TM9SF4: variants seen among roughly 807,000 people sequenced by gnomAD.
TM9SF4 encodes dinucleotide oxidase disulfide thiol exchanger 3 superfamily member 4.
In TM9SF4, 26 loss-of-function variants were observed where a neutral mutation model predicts 90.4. The ratio of observed to expected loss-of-function variants is 0.29; its 90% CI spans 0.21 to 0.40. The LOEUF is 0.40. Among genes scored for constraint, TM9SF4 ranks in the 10% least tolerant of loss-of-function variants. TM9SF4 has a pLI of 1.00. For synonymous variants in TM9SF4, 293 were observed against 315.4 expected (o/e 0.93, Z 0.75); for missense variants, 549 against 834.8 (o/e 0.66, Z 4.22).
intron 1 of TM9SF4, among the ~76,000 whole-genome samples, chr20:32,131,071 T>C (rs2046503732): frequency 1.3e-5 from 2 of 152,180 alleles, no homozygotes; most frequent in African/African-American, 4.8e-5. Flanking sequence ...CTATCCAAAT[T>C]GCCCCATGAG....
At chr20:32,151,052 G>C (rs1351874800) in intron 12 of TM9SF4, among the ~76,000 whole-genome samples, 177 bp downstream of exon 12, 1 of 152,102 alleles carries the variant, frequency 6.6e-6, no homozygotes, top group Non-Finnish European at 1.5e-5. Flanking sequence ...TTACCCACAG[G>C]CTCGCAGCAG....
intron 1 of TM9SF4, among the ~76,000 whole-genome samples, chr20:32,125,892 A>G (rs1401366357): frequency 6.8e-6 from 1 of 148,012 alleles, no homozygotes; most frequent in African/African-American, 2.5e-5. Flanking sequence ...CTGGTCTCAA[A>G]CTCCTGGGCT....
At chr20:32,123,443 A>G (rs541220623) in intron 1 of TM9SF4, among the ~76,000 whole-genome samples, 1 of 151,366 alleles carries the variant, frequency 6.6e-6, no homozygotes, top group East Asian at 2.0e-4. Context: ...TTAAATTATG[A>G]ATGATGCTGA....
chr20:32,127,417 A>G (rs1044669716), intron 1 of TM9SF4, among the ~76,000 whole-genome samples: 1 of 152,134 alleles, frequency 6.6e-6, no homozygotes, highest in African/African-American at 2.4e-5. Flanking sequence ...GATTAACACC[A>G]TCTGCGAAAT....
intron 17 of TM9SF4, among the ~76,000 whole-genome samples, chr20:32,162,794 T>A (rs766409656): frequency 7.2e-5 from 11 of 152,018 alleles, no homozygotes; most frequent in Non-Finnish European, 1.5e-4. Flanking sequence ...ATCTCCCTCC[T>A]CTATAGCCCA....
chr20:32,152,084 A>G (rs1264611361), intron 12 of TM9SF4, among the ~76,000 whole-genome samples: 2 of 150,198 alleles, frequency 1.3e-5, no homozygotes, highest in African/African-American at 4.9e-5. Flanking sequence ...GTTAGCCAGG[A>G]TGGTCTCGAT....
At chr20:32,143,851 G>C (rs2046718668) in intron 6 of TM9SF4, among the ~76,000 whole-genome samples, 1 of 152,076 alleles carries the variant, frequency 6.6e-6, no homozygotes, top group Non-Finnish European at 1.5e-5. Context: ...CCCGAGCGCA[G>C]TTCTACGTTT....
intron 6 of TM9SF4, among the ~76,000 whole-genome samples, chr20:32,143,949 T>C (rs1008322754): frequency 8.0e-5 from 9 of 112,826 alleles, no homozygotes; most frequent in African/African-American, 2.9e-4. Flanking sequence ...CCATTTTATC[T>C]TTTTTTTTCC....
chr20:32,124,655 T>G (rs1202848377), intron 1 of TM9SF4, among the ~76,000 whole-genome samples: 4 of 152,058 alleles, frequency 2.6e-5, no homozygotes, highest in Non-Finnish European at 2.9e-5. Context: ...GGCACAATCT[T>G]GGCTCACTGC....
intron 13 of TM9SF4, among the ~76,000 whole-genome samples, chr20:32,155,848 G>A (rs1290610253): frequency 6.6e-6 from 1 of 152,160 alleles, no homozygotes; most frequent in Non-Finnish European, 1.5e-5. Context: ...GAGGCTTCAC[G>A]TCCAGGCTTA....
chr20:32,127,628 G>A (rs566516426), intron 1 of TM9SF4, among the ~76,000 whole-genome samples: 119 of 152,244 alleles, frequency 7.8e-4, no homozygotes, highest in Middle Eastern at 3.4e-3. Flanking sequence ...TTCTTGTTGT[G>A]TCTTTTTGTT....
rs1047690850 is a variant in TM9SF4, at chr20:32,135,543, C to T, written c.130-531C>T. Among the ~76,000 whole-genome samples the T allele has an allele frequency of 7.2e-5, 11 of 152,206 alleles. 1 individual carries two copies. The South Asian group carries it at 1.0e-3, about 14-fold the overall frequency. On this transcript the variant is annotated intron_variant, in intron 2 of 17. Coordinates refer to ENST00000398022, the MANE Select transcript of TM9SF4 (RefSeq NM_014742.4). ...TGAAGACTGACAGTCCAGTGGATAC[C>T]GGGGAGTTCCTTTAGATACCCTGGT...
intron 3 of TM9SF4, 41 bp downstream of exon 3, chr20:32,136,214 G>C (rs571697552): frequency 6.3e-7 from 1 of 1,577,044 alleles, no homozygotes; most frequent in African/African-American, 1.3e-5. Flanking sequence ...TGTCCCCAGG[G>C]GGAACCCAGC....
Position 32,161,347 on chromosome 20 carries a change from C to A in TM9SF4, c.1761C>A (p.Ile587=), listed in dbSNP as rs2122478849. The A allele has an allele frequency of 6.2e-7, 1 of 1,613,978 alleles. No individual in the cohort carries two copies. Among genetic ancestry groups the A allele is most frequent in the South Asian group, 1.1e-5 (1 of 91,074 alleles). Residue 587 remains isoleucine (I), a synonymous_variant, in exon 17 of 18, where the codon ATC becomes ATA. Transcript: ENST00000398022. ...GSAFYVLVYA[I]FYFVNKLDIV... is the part of the protein sequence containing the mutation. ...CATTCTACGTCCTGGTTTATGCCAT[C>A]TTTTATTTCGTTAACAAGGTACTGC...
chr20:32,165,236 T>A, intron 17 of TM9SF4, 59 bp from the exon 18 acceptor site: 2 of 1,601,874 alleles, frequency 1.2e-6, no homozygotes, highest in Admixed American at 3.3e-5. Context: ...GGGGCCCCAG[T>A]TCGCCATGCA....
chr20:32,109,776 G>A (rs369711012), intron 1 of TM9SF4, 21 bp downstream of exon 1: 5 of 1,551,316 alleles, frequency 3.2e-6, no homozygotes, highest in Non-Finnish European at 4.4e-6. Context: ...GAGACTCCGG[G>A]AGCGGGAGCT....
At chr20:32,118,701 T>C (rs2046263379) in intron 1 of TM9SF4, among the ~76,000 whole-genome samples, 2 of 152,104 alleles carry the variant, frequency 1.3e-5, no homozygotes, top group African/African-American at 4.8e-5. Context: ...AGTGGCGTGA[T>C]TTCTGCTCAC....
Position 32,141,752 on chromosome 20 carries a change from C to A in TM9SF4, c.399-14C>A, listed in dbSNP as rs2046683666. 1.2e-6 allele frequency: 2 copies of A among 1,613,816 alleles called. No individual in the cohort carries two copies. Among genetic ancestry groups the A allele is most frequent in the Admixed American group, 1.7e-5 (1 of 59,984 alleles). Reference sequence around the variant, plus strand: ...GGCGGTCGAGAGGGACTGAGTGGGGCCTTCACTTTCCAGCATTGCTGACAA... The same window carrying A: ...GGCGGTCGAGAGGGACTGAGTGGGGACTTCACTTTCCAGCATTGCTGACAA... On this transcript the variant is annotated splice_polypyrimidine_tract_variant and intron_variant, in intron 4 of 17. Transcript: ENST00000398022.
At chr20:32,118,783 G>C (rs1030000080) in intron 1 of TM9SF4, among the ~76,000 whole-genome samples, 4 of 152,006 alleles carry the variant, frequency 2.6e-5, no homozygotes, top group Non-Finnish European at 5.9e-5. Flanking sequence ...CTACAGGCAA[G>C]CACCACCATT....
Sources: allele counts gnomAD v4.1 joint callset (sites outside exome capture counted in the v4.1 genomes callset), GRCh38; gene constraint gnomAD v4.1.1; transcripts MANE v1.5; gene names NCBI Gene and HGNC (gene_info 2026-07-23, HGNC 2026-07-21).